Variants in CALB1 observed in about 807,000 individuals in gnomAD.
The protein encoded by CALB1 is calbindin.
Under a neutral mutation model 46.7 loss-of-function variants are expected in CALB1, and 16 were observed. The observed-to-expected ratio is 0.34, with a 90% CI of 0.23 to 0.52. CALB1 has a LOEUF of 0.52. Among genes scored for constraint, CALB1 ranks in the 20% least tolerant of loss-of-function variants. The pLI is 0.95. For missense variants in CALB1, 224 were observed against 300.3 expected, an observed-to-expected ratio of 0.75 and a Z score of 1.88; for synonymous variants, 90 against 112.8, an observed-to-expected ratio of 0.80 and a Z score of 1.28.
intron 6 of CALB1, among the ~76,000 whole-genome samples, chr8:90,065,609 C>T (rs1189935022): frequency 6.6e-6 from 1 of 151,710 alleles, no homozygotes; most frequent in African/African-American, 2.4e-5. Flanking sequence ...GATATAATTA[C>T]ACTGGCTTTG....
chr8:90,082,626 G>A lies in CALB1; in HGVS notation c.72C>T (p.Asp24=). 1.2e-6 allele frequency: 2 copies of A among 1,613,272 alleles called. No individual in the cohort carries two copies. The highest frequency in any genetic ancestry group is 1.7e-6 in the Non-Finnish European group (2 of 1,179,202). Residue 24 remains aspartate (D), a synonymous_variant, in exon 1 of 11, where the codon GAC becomes GAT. Coordinates refer to ENST00000265431, the MANE Select transcript of CALB1 (RefSeq NM_004929.4). ...SQFFEIWLHF[D]ADGSGYLEGK... The stretch of plus-strand genomic sequence containing the variant: ...AAAAGAGAAGATAATCACCGTCAGC[G>A]TCGAAATGGAGCCAGATCTCGAAAA...
intron 3 of CALB1, 50 bp downstream of exon 3, chr8:90,078,323 T>C (rs749110406): frequency 5.9e-6 from 7 of 1,181,754 alleles, no homozygotes; most frequent in South Asian, 2.6e-5. Context: ...AACTTCAAAA[T>C]TGAAACTCAT....
chr8:90,067,769 TG>T (rs1397979330), intron 5 of CALB1, among the ~76,000 whole-genome samples: 21 of 152,070 alleles, frequency 1.4e-4, no homozygotes, highest in Non-Finnish European at 2.4e-4. Context: ...GGGGGTGGGG[TG>T]GGGAATCATT....
intron 6 of CALB1, among the ~76,000 whole-genome samples, chr8:90,065,635 A>C (rs566209946): frequency 4.6e-5 from 7 of 152,002 alleles, no homozygotes; most frequent in African/African-American, 1.7e-4. Context: ...AAAACAAGTC[A>C]TCTTTTGATA....
chr8:90,078,526 C>A, intron 2 of CALB1, 79 bp from the exon 3 acceptor site: 1 of 763,236 alleles, frequency 1.3e-6, no homozygotes, highest in Non-Finnish European at 2.2e-6. Context: ...TAACTTACTG[C>A]AAAGAAAAAC....
chr8:90,072,526 G>A (rs1475795177), intron 3 of CALB1, among the ~76,000 whole-genome samples: 1 of 152,094 alleles, frequency 6.6e-6, no homozygotes, highest in Non-Finnish European at 1.5e-5. Context: ...ATTATTATGT[G>A]TATATAGGAT....
chr8:90,060,835 C>T, intron 9 of CALB1, 135 bp from the exon 10 acceptor site: 1 of 748,074 alleles, frequency 1.3e-6, no homozygotes, highest in Non-Finnish European at 2.3e-6. Context: ...TATGTCAGGC[C>T]ACCCAAGTTT....
In CALB1 at chr8:90,069,230, T is replaced by G. The variant is rs1814455638; in HGVS notation, c.239A>C (p.His80Pro). ...GAAATTCTCTTCTGTGGGTAATACG[T>G]GAGCCAACTGGAAAAGATTTAAGAA... ...DGKIGIVELA[H>P]VLPTEENFLL... Residue 80 changes from histidine (H) to proline (P), a missense_variant, in exon 4 of 11, where the codon CAC (histidine) becomes CCC (proline). By Grantham distance (77) the His-to-Pro change is moderately conservative (BLOSUM62 -2). Coordinates refer to ENST00000265431, the MANE Select transcript of CALB1 (RefSeq NM_004929.4). The G allele has an allele frequency of 6.2e-7, 1 of 1,613,000 alleles. No homozygotes were observed. Among genetic ancestry groups the G allele is most frequent in the Non-Finnish European group, 8.5e-7 (1 of 1,179,096 alleles).
At chr8:90,081,998 T>C (rs746605073) in intron 2 of CALB1, 28 bp downstream of exon 2, 1 of 1,592,978 alleles carries the variant, frequency 6.3e-7, no homozygotes, top group African/African-American at 1.4e-5. Context: ...TAAAAGTCTT[T>C]TTTTCTTTTT....
intron 3 of CALB1, 185 bp downstream of exon 3, chr8:90,078,188 C>T: frequency 2.3e-6 from 1 of 439,524 alleles, no homozygotes; most frequent in South Asian, 3.2e-5. Context: ...GTTAGGAATA[C>T]TCTTAGATGT....
chr8:90,071,363 T>C (rs1814512356), intron 3 of CALB1, among the ~76,000 whole-genome samples: 1 of 152,016 alleles, frequency 6.6e-6, no homozygotes, highest in Admixed American at 6.6e-5. Flanking sequence ...TATCCAGATA[T>C]CTGGTAAGTT....
chr8:90,071,398 C>CA (rs1814513341), intron 3 of CALB1, among the ~76,000 whole-genome samples: 3 of 151,932 alleles, frequency 2.0e-5, no homozygotes, highest in African/African-American at 7.3e-5. Context: ...GGTCTCCCCC[C>CA]AGAGCTAAGG....
At chr8:90,079,682 G>A (rs888248990) in intron 2 of CALB1, among the ~76,000 whole-genome samples, 5 of 151,816 alleles carry the variant, frequency 3.3e-5, no homozygotes, top group Admixed American at 1.3e-4. Flanking sequence ...TTTAAACAGT[G>A]CAAAACATAT....
intron 9 of CALB1, 139 bp from the exon 10 acceptor site, chr8:90,060,839 C>T (rs1201322103): frequency 2.8e-6 from 2 of 723,932 alleles, no homozygotes; most frequent in African/African-American, 1.8e-5. Context: ...TCAGGCCACC[C>T]AAGTTTTTAG....
At chr8:90,065,540 G>A (rs1002915134) in intron 6 of CALB1, among the ~76,000 whole-genome samples, 9 of 151,598 alleles carry the variant, frequency 5.9e-5, no homozygotes, top group African/African-American at 2.2e-4. Context: ...TGAGTTTTTG[G>A]TGATATAATT....
Position 90,059,788 on chromosome 8 carries a change from T to G in CALB1, c.*385A>C, listed in dbSNP as rs968458713. Reference sequence around the variant, plus strand: ...TATGGTTGTCTAAAATAAGAATGTTTGGCTTGTTATACATAATTCCATTAT... The same window carrying G: ...TATGGTTGTCTAAAATAAGAATGTTGGGCTTGTTATACATAATTCCATTAT... On this transcript the variant is annotated 3_prime_UTR_variant, in exon 11 of 11. Transcript: ENST00000265431. The G allele has an allele frequency of 5.8e-6, 1 of 171,080 alleles. No homozygotes were observed. Among genetic ancestry groups the G allele is most frequent in the African/African-American group, 2.4e-5 (1 of 41,996 alleles). 10.6% of individuals were successfully genotyped at this position (171,080 alleles called of 1,614,324 possible). A position where few individuals can be genotyped will look rare whatever the true frequency, so the allele number is the denominator to read the frequency against.
In CALB1 at chr8:90,069,042, A is replaced by G. The variant is rs374432228; in HGVS notation, c.328T>C (p.Tyr110His). ...ATGAAGCCACTGTGGTCAGTATCAT[A>G]TTTTCTCCATGTCTGTAAGTAATTT... The part of the protein sequence containing the change: ...CEEFMKTWRK[Y>H]DTDHSGFIET... Residue 110 changes from tyrosine to histidine, a missense_variant, in exon 5 of 11, where the codon TAT becomes CAT. By Grantham distance (83) the Tyr-to-His change is moderately conservative (BLOSUM62 2). Coordinates refer to ENST00000265431, the MANE Select transcript of CALB1 (RefSeq NM_004929.4). 8 of 1,613,300 alleles carry G rather than the reference A, an allele frequency of 5.0e-6. No homozygotes were observed. Among genetic ancestry groups the G allele is most frequent in the Non-Finnish European group, 6.8e-6 (8 of 1,179,596 alleles).
rs931946016 is a variant in CALB1, at chr8:90,063,394, T to C, written c.506+12A>G. ...ATCCACTTACAATATTTTTCATGGT[T>C]CCTAAACTCACCTGGCCATCTCAGT... On this transcript the variant is annotated intron_variant, in intron 7 of 10. Transcript: ENST00000265431. The C allele has an allele frequency of 3.7e-6, 6 of 1,607,322 alleles. No homozygotes were observed. The highest frequency in any genetic ancestry group is 5.1e-6 in the Non-Finnish European group (6 of 1,174,922).
Position 90,082,599 on chromosome 8 carries a change from T to G in CALB1, c.79+20A>C, listed in dbSNP as rs760773690. On this transcript the variant is annotated intron_variant, in intron 1 of 10. Transcript: ENST00000265431. ...GCATGGAAACGGGTCTTGAAACAGTTAAAAAGAGAAGATAATCACCGTCAG... is the reference window on the plus strand; with the variant it reads ...GCATGGAAACGGGTCTTGAAACAGTGAAAAAGAGAAGATAATCACCGTCAG... 8 of 1,607,206 alleles carry G rather than the reference T, an allele frequency of 5.0e-6. No individual in the cohort carries two copies. In the South Asian group the frequency reaches 8.8e-5, roughly 18 times the overall value.
Sources: gnomAD v4.1 joint callset for allele counts (sites outside exome capture counted in the v4.1 genomes callset) on GRCh38, gnomAD v4.1.1 for gene constraint, MANE v1.5 for transcripts, NCBI Gene and HGNC (gene_info 2026-07-23, HGNC 2026-07-21) for gene names.